Variants in FGF13 observed in about 807,000 individuals in gnomAD.
FGF13 encodes fibroblast growth factor homologous factor 2.
In FGF13, 2 loss-of-function variants were observed where a neutral mutation model predicts 19.5. The ratio of observed to expected loss-of-function variants is 0.10; its 90% CI spans 0.04 to 0.32. FGF13 has a LOEUF of 0.32. Among genes scored for constraint, FGF13 ranks in the 10% least tolerant of loss-of-function variants. The pLI, the probability that FGF13 is intolerant of heterozygous loss-of-function variation, is 1.00. For missense variants in FGF13, 113 were observed against 192.7 expected, an observed-to-expected ratio of 0.59 and a Z score of 2.45; for synonymous variants, 72 against 76.9, an observed-to-expected ratio of 0.94 and a Z score of 0.33.
intron 1 of FGF13, among the ~76,000 whole-genome samples, chrX:138,960,684 T>C (rs1372295160): frequency 1.8e-5 from 2 of 111,950 alleles, no homozygotes; most frequent in African/African-American, 6.5e-5. Flanking sequence ...TAGTCCCATA[T>C]TTCTTGGAGG....
At chrX:138,680,270 T>C (rs1247620455) in intron 3 of FGF13, among the ~76,000 whole-genome samples, 1 of 112,326 alleles carries the variant, frequency 8.9e-6, no homozygotes, top group Non-Finnish European at 1.9e-5. Context: ...CCTGTTAATA[T>C]TTTGACCTCC....
At chrX:138,634,825 T>C (rs1009506436) in intron 4 of FGF13, among the ~76,000 whole-genome samples, 2 of 112,066 alleles carry the variant, frequency 1.8e-5, no homozygotes, top group African/African-American at 3.2e-5. Flanking sequence ...ACAACCACTA[T>C]GGAAAACAGT....
intron 1 of FGF13, among the ~76,000 whole-genome samples, chrX:139,054,949 T>G (rs2092316743): frequency 9.9e-6 from 1 of 100,636 alleles, no homozygotes; most frequent in South Asian, 4.5e-4. Context: ...GCAGCTATTG[T>G]AAAAGGGGTT....
intron 1 of FGF13, among the ~76,000 whole-genome samples, chrX:138,912,948 T>C (rs1021307072): frequency 2.7e-5 from 3 of 110,948 alleles, no homozygotes; most frequent in African/African-American, 9.9e-5. Flanking sequence ...TGTTTGGCCC[T>C]GACATTTCCT....
chrX:139,028,620 A>T (rs796789914), intron 1 of FGF13, among the ~76,000 whole-genome samples: 7,846 of 29,635 alleles, frequency 0.26, 393 homozygotes, highest in African/African-American at 0.3. Flanking sequence ...TGTGTGTGAG[A>T]GAGAGAGAGA....
At chrX:138,710,630 T>C (rs977310893) in intron 1 of FGF13, among the ~76,000 whole-genome samples, 187 bp downstream of exon 1, 2 of 112,542 alleles carry the variant, frequency 1.8e-5, no homozygotes, top group Non-Finnish European at 3.8e-5. Flanking sequence ...GCAGTTGCAA[T>C]GCAGCAAGCG....
At chrX:139,017,994 T>C (rs894861500) in intron 1 of FGF13, among the ~76,000 whole-genome samples, 10 of 111,590 alleles carry the variant, frequency 9.0e-5, no homozygotes, top group African/African-American at 3.2e-4. Flanking sequence ...TTGTTGGGAG[T>C]AATTCTAGAA....
At position 138,632,855 on chromosome X, in the gene FGF13, T is replaced by C. The variant is rs755050121; in HGVS notation, c.733A>G (p.Thr245Ala). 2 of 1,206,365 alleles carry C rather than the reference T, an allele frequency of 1.7e-6. No homozygotes were observed. The highest frequency in any genetic ancestry group is 2.2e-6 in the Non-Finnish European group (2 of 893,209). Residue 245 changes from threonine (T) to alanine (A), a missense_variant, in exon 5 of 5, where the codon ACG (threonine) becomes GCG (alanine). Thr to Ala is a moderately conservative substitution (Grantham distance 58). Around this residue, in one of 4 missense-constraint regions of FGF13, gnomAD observed 43 missense variants for 41.4 expected, o/e 1.04. Transcript: ENST00000315930. Reference protein sequence around the residue: ...GGKSMSHNEST With the variant: ...GGKSMSHNESA ...CCTTCTTTTGCCCTCACTGGCTACG[T>C]TGATTCATTGTGGCTCATGGATTTG...
At position 139,045,771 on chromosome X, in the gene FGF13, T is replaced by A. The variant is rs1207146277; in HGVS notation, c.-113+157645A>T. Among the ~76,000 whole-genome samples, 4 of 112,410 alleles carry A rather than the reference T, an allele frequency of 3.6e-5. No individual in the cohort carries two copies. In the Admixed American group the frequency reaches 3.8e-4, roughly 11 times the overall value. On this transcript the variant is annotated intron_variant, in intron 1 of 2. Transcript: ENST00000421460. ...ACGTGACATTTGCTCCAGTTCCCAA[T>A]AAGTTCCTCATTTCCATCTGAGACC...
intron 3 of FGF13, among the ~76,000 whole-genome samples, chrX:138,768,712 T>C (rs1164231719): frequency 1.0e-5 from 1 of 100,274 alleles, no homozygotes; most frequent in Non-Finnish European, 2.0e-5. Flanking sequence ...TATATATATA[T>C]ATATAAGTAT....
intron 3 of FGF13, among the ~76,000 whole-genome samples, chrX:138,643,646 G>C (rs1476624208): frequency 8.9e-6 from 1 of 111,962 alleles, no homozygotes; most frequent in South Asian, 3.7e-4. Flanking sequence ...TAGAGAGACT[G>C]TGTGAACTGT....
rs1407427551 is a variant in FGF13, at chrX:139,010,922, AAAG to A, written c.-112-146275_-112-146273del. Among the ~76,000 whole-genome samples, 7 of 112,120 alleles carry A rather than the reference AAAG, an allele frequency of 6.2e-5. No homozygotes were observed. In the Admixed American group the frequency reaches 6.6e-4, roughly 11 times the overall value. On this transcript the variant is annotated intron_variant, in intron 1 of 2. Coordinates refer to the FGF13 transcript ENST00000421460. ...AGACAATTAGTGAGATTAACCAAGTAAAGAAGAGAGAAGATCCAAATAAACTCA... is the reference window on the plus strand; with the variant it reads ...AGACAATTAGTGAGATTAACCAAGTAAAGAGAGAAGATCCAAATAAACTCA...
chrX:138,709,972 T>TA (rs1250031715), intron 1 of FGF13, among the ~76,000 whole-genome samples: 1 of 111,235 alleles, frequency 9.0e-6, no homozygotes, highest in Non-Finnish European at 1.9e-5. Flanking sequence ...ATTTATCTAG[T>TA]AAAAGGCAGA....
intron 1 of FGF13, among the ~76,000 whole-genome samples, chrX:139,141,940 G>A (rs1023027958): frequency 8.9e-6 from 1 of 111,835 alleles, no homozygotes. Flanking sequence ...AATGTCATGG[G>A]TTTTGTGTGC....
intron 3 of FGF13, among the ~76,000 whole-genome samples, chrX:138,818,499 GACACACACACACACAC>G (rs371760908): frequency 4.8e-4 from 41 of 84,789 alleles, no homozygotes; most frequent in African/African-American, 1.3e-3. Flanking sequence ...TATATGCACA[GACACACACACACACAC>G]ACACACACAC....
At chrX:138,826,674 G>C (rs1197924618) in intron 3 of FGF13, among the ~76,000 whole-genome samples, 3 of 112,210 alleles carry the variant, frequency 2.7e-5, no homozygotes, top group Admixed American at 9.4e-5. Flanking sequence ...AAAATGGTTT[G>C]ATCTTAGAAA....
At chrX:138,967,093 T>G (rs764713089) in intron 1 of FGF13, among the ~76,000 whole-genome samples, 1 of 111,014 alleles carries the variant, frequency 9.0e-6, no homozygotes, top group Admixed American at 9.6e-5. Context: ...GGGTATGTCC[T>G]TATAGCAGCC....
intron 1 of FGF13, among the ~76,000 whole-genome samples, chrX:138,881,082 A>G (rs1310904847): frequency 8.9e-6 from 1 of 111,823 alleles, no homozygotes; most frequent in Non-Finnish European, 1.9e-5. Flanking sequence ...CCACTAATTT[A>G]GGTTATTAAT....
chrX:139,204,182 CT>C, upstream of FGF13: 1 of 987,661 alleles, frequency 1.0e-6, no homozygotes, highest in Non-Finnish European at 1.4e-6. Flanking sequence ...TGGGAGAGTG[CT>C]TAGGGCGGCA....
Sources: allele counts gnomAD v4.1 joint callset (sites outside exome capture counted in the v4.1 genomes callset), GRCh38; gene constraint gnomAD v4.1.1; regional missense constraint gnomAD v4.1.1; transcripts MANE v1.5; gene names NCBI Gene and HGNC (gene_info 2026-07-23, HGNC 2026-07-21).